The following DKK3 variants were observed in gnomAD, a reference collection of about 807,000 sequenced individuals.
DKK3 encodes the protein dickkopf Wnt signaling pathway inhibitor 3, also known as dickkopf-related protein 3.
In DKK3, 22 loss-of-function variants were observed where a neutral mutation model predicts 33.2. The ratio of observed to expected loss-of-function variants is 0.66; its 90% confidence interval spans 0.47 to 0.95. The LOEUF is 0.95. DKK3 is among the 40% of genes least tolerant of loss of function. DKK3 has a pLI of 0.00. For missense variants in DKK3, 398 were observed against 458.4 expected (o/e 0.87, Z 1.20); for synonymous variants, 194 against 188.8 (o/e 1.03, Z -0.23).
intron 1 of DKK3, among the ~76,000 whole-genome samples, chr11:12,006,111 C>T (rs1164654663): frequency 6.6e-6 from 1 of 152,186 alleles, no homozygotes; most frequent in Non-Finnish European, 1.5e-5. Flanking sequence ...TACTTAACCC[C>T]ATTTTAGGCA....
In DKK3 at chr11:11,988,480, A is replaced by C. The variant is rs180919415; in HGVS notation, c.435+10216T>G. On this transcript the variant is annotated intron_variant, in intron 3 of 6. Transcript: ENST00000683431. ...TGACCCTGGAAGAGGAGACGGTGTG[A>C]CTGGGGCCTCTGTTGGCACTGTCCC... Among the ~76,000 whole-genome samples, 24 of 152,298 alleles carry C rather than the reference A, an allele frequency of 1.6e-4. No homozygotes were observed. The East Asian group carries it at 4.6e-3, about 29-fold the overall frequency.
chr11:12,005,034 C>A (rs755813315), intron 1 of DKK3, among the ~76,000 whole-genome samples: 1 of 152,122 alleles, frequency 6.6e-6, no homozygotes, highest in East Asian at 1.9e-4. Flanking sequence ...TAGAAAAAAA[C>A]GCAGCTGGGA....
At chr11:12,004,585 T>C (rs1482263649) in intron 1 of DKK3, among the ~76,000 whole-genome samples, 1 of 152,200 alleles carries the variant, frequency 6.6e-6, no homozygotes, top group Non-Finnish European at 1.5e-5. Flanking sequence ...CAAGGTGGGT[T>C]CAAGTCCTGG....
intron 3 of DKK3, among the ~76,000 whole-genome samples, chr11:11,969,554 C>A (rs1336552774): frequency 6.6e-6 from 1 of 152,170 alleles, no homozygotes; most frequent in Non-Finnish European, 1.5e-5. Context: ...CAGGGCTCCA[C>A]ATGTAGCAGC....
intron 3 of DKK3, among the ~76,000 whole-genome samples, chr11:11,973,477 C>A (rs913725005): frequency 6.6e-6 from 1 of 152,208 alleles, no homozygotes; most frequent in Non-Finnish European, 1.5e-5. Flanking sequence ...TGGAAGACAG[C>A]ACCCTGCTGC....
intron 2 of DKK3, chr11:12,001,583 T>G (rs1463965576): frequency 6.6e-6 from 1 of 152,230 alleles, no homozygotes; most frequent in African/African-American, 2.4e-5. Flanking sequence ...CACACAGTCT[T>G]AGGCAGTTTG....
At chr11:12,009,608 G>A (rs1263958578), upstream of DKK3, 87 of 985,758 alleles carry the variant, frequency 8.8e-5, no homozygotes, top group Admixed American at 3.1e-4. Context: ...CACCGAGGTT[G>A]GGGGTAGGGG....
chr11:11,997,892 C>T (rs1168244058), intron 3 of DKK3, among the ~76,000 whole-genome samples: 2 of 152,178 alleles, frequency 1.3e-5, no homozygotes, highest in African/African-American at 4.8e-5. Flanking sequence ...CCTCAGTGCC[C>T]TGGGAAGGCT....
At chr11:11,988,250 T>A (rs1174476234) in intron 3 of DKK3, among the ~76,000 whole-genome samples, 1 of 152,170 alleles carries the variant, frequency 6.6e-6, no homozygotes, top group Non-Finnish European at 1.5e-5. Flanking sequence ...GAACAAACAT[T>A]TAGATGACTC....
chr11:11,999,428 T>C (rs1346604248), intron 2 of DKK3, among the ~76,000 whole-genome samples: 1 of 152,112 alleles, frequency 6.6e-6, no homozygotes, highest in Non-Finnish European at 1.5e-5. Flanking sequence ...GAAAAGATGT[T>C]TGGTCACCTG....
At chr11:11,964,876 G>T in intron 6 of DKK3, 190 bp from the exon 7 acceptor site, 1 of 1,305,126 alleles carries the variant, frequency 7.7e-7, no homozygotes, top group Non-Finnish European at 1.0e-6. Context: ...GCTCACTTTG[G>T]GAGAATGTGC....
Position 11,966,951 on chromosome 11 carries a change from C to A in DKK3, c.673+3G>T. ...TTCCTGCATCTGAGGGGAGGCCACT[C>A]ACCTCTCTGGAAGGCACAGCACAGC... is the stretch of plus-strand genomic sequence containing the variant. On this transcript the variant is annotated splice_donor_region_variant and intron_variant, in intron 5 of 6. Coordinates refer to ENST00000683431, the MANE Select transcript of DKK3 (RefSeq NM_001018057.2). The A allele has an allele frequency of 1.9e-6, 3 of 1,613,462 alleles. No homozygotes were observed. The highest frequency in any genetic ancestry group is 2.5e-6 in the Non-Finnish European group (3 of 1,179,670).
At chr11:11,979,116 C>T (rs1488191974) in intron 3 of DKK3, 6 of 152,408 alleles carry the variant, frequency 3.9e-5, no homozygotes, top group Non-Finnish European at 8.8e-5. Context: ...ACAGCGAGAA[C>T]CTCAGACTCT....
intron 1 of DKK3, among the ~76,000 whole-genome samples, chr11:12,002,850 A>C (rs1848458622): frequency 6.6e-6 from 1 of 152,160 alleles, no homozygotes; most frequent in African/African-American, 2.4e-5. Context: ...CAGTTCCCAT[A>C]CATGCCAACA....
In DKK3 at chr11:12,002,218, T is replaced by C. The variant is rs1848443299; in HGVS notation, c.351+82A>G. The C allele has an allele frequency of 6.9e-6, 10 of 1,444,944 alleles. No homozygotes were observed. The African/African-American group carries it at 8.5e-5, about 12-fold the overall frequency. 89.5% of individuals were successfully genotyped at this position (1,444,944 alleles called of 1,614,324 possible). ...GTAGTTTGGGCTTGTATATCACATA[T>C]GAAAAAACAAAAACAAAAAAACCTT... is the stretch of plus-strand genomic sequence containing the variant. On this transcript the variant is annotated intron_variant, in intron 2 of 6. Coordinates refer to ENST00000683431, the MANE Select transcript of DKK3 (RefSeq NM_001018057.2).
chr11:11,989,687 T>C (rs769167307), intron 3 of DKK3, among the ~76,000 whole-genome samples: 4 of 152,240 alleles, frequency 2.6e-5, no homozygotes, highest in South Asian at 2.1e-4. Flanking sequence ...TGCTGAATTA[T>C]ATGTGTCAAC....
chr11:12,002,488 T>C (rs748377393), intron 1 of DKK3, 51 bp from the exon 2 acceptor site: 1 of 1,577,600 alleles, frequency 6.3e-7, no homozygotes, highest in East Asian at 2.3e-5. Context: ...TTGTTACAAA[T>C]GGGAGTCTAT....
At chr11:11,978,070 AT>A (rs1204966096) in intron 3 of DKK3, among the ~76,000 whole-genome samples, 1 of 152,194 alleles carries the variant, frequency 6.6e-6, no homozygotes, top group African/African-American at 2.4e-5. Context: ...ACCAAAAATT[AT>A]TTTAGATTCT....
At chr11:12,000,182 T>C (rs1035751475) in intron 2 of DKK3, among the ~76,000 whole-genome samples, 16 of 8,192 alleles carry the variant, frequency 2.0e-3, no homozygotes, top group Non-Finnish European at 2.0e-4. Context: ...CTAGTGTTTT[T>C]TGTTTGTTTG....
Sources: allele counts gnomAD v4.1 joint callset (sites outside exome capture counted in the v4.1 genomes callset), GRCh38; gene constraint gnomAD v4.1.1; transcripts MANE v1.5; gene names NCBI Gene and HGNC (gene_info 2026-07-23, HGNC 2026-07-21).